Variants in MYO16 observed in about 807,000 individuals in gnomAD.
MYO16 encodes the protein unconventional myosin-XVI.
Under a neutral mutation model 205.3 loss-of-function variants are expected in MYO16, and 94 were observed. The ratio of observed to expected loss-of-function variants is 0.46; its 90% CI spans 0.39 to 0.54. The LOEUF (loss-of-function observed/expected upper bound fraction) is 0.54, where lower values mean the gene tolerates loss of function less well. MYO16 is among the 20% of genes least tolerant of loss of function. MYO16 has a pLI of 0.00. For synonymous variants in MYO16, 988 were observed against 954.0 expected, an observed-to-expected ratio of 1.04 and a Z score of -0.66; for missense variants, 2,315 against 2,387.5, an observed-to-expected ratio of 0.97 and a Z score of 0.63.
chr13:108,581,465 A>C, the MYO16 span, among the ~76,000 whole-genome samples: 2 of 151,876 alleles, frequency 1.3e-5, no homozygotes, highest in Non-Finnish European at 2.9e-5. Flanking sequence ...TTCTACTTAT[A>C]TCTCTCGCCC....
At chr13:108,837,510 G>A (rs1489924899) in intron 9 of MYO16, among the ~76,000 whole-genome samples, 1 of 152,176 alleles carries the variant, frequency 6.6e-6, no homozygotes, top group Admixed American at 6.5e-5. Context: ...AAAGTTCTAT[G>A]AGAGATGATT....
intron 10 of MYO16, among the ~76,000 whole-genome samples, chr13:108,851,668 T>G (rs1877873199): frequency 6.6e-6 from 1 of 152,194 alleles, no homozygotes; most frequent in African/African-American, 2.4e-5. Flanking sequence ...GCAGCTCCTC[T>G]TTTTCTTAAA....
intron 22 of MYO16, among the ~76,000 whole-genome samples, chr13:109,012,198 T>C (rs1203886177): frequency 6.6e-6 from 1 of 152,194 alleles, no homozygotes; most frequent in East Asian, 1.9e-4. Flanking sequence ...GAAGAAGTTA[T>C]TCAATAGTCG....
chr13:109,161,111 A>C (rs912321), intron 32 of MYO16, among the ~76,000 whole-genome samples: 6,827 of 152,280 alleles, frequency 0.045, 516 homozygotes, highest in African/African-American at 0.16. Flanking sequence ...TGCATAATTC[A>C]GTAGAATGCC....
chr13:108,823,923 A>G (rs1876120826), intron 9 of MYO16, among the ~76,000 whole-genome samples: 1 of 152,134 alleles, frequency 6.6e-6, no homozygotes, highest in Non-Finnish European at 1.5e-5. Context: ...TAACTTAGGT[A>G]TGCTTACATA....
intron 14 of MYO16, among the ~76,000 whole-genome samples, chr13:108,889,917 CT>C (rs1880082084): frequency 1.3e-5 from 2 of 151,854 alleles, no homozygotes; most frequent in South Asian, 4.2e-4. Flanking sequence ...TTTATTTTCA[CT>C]TATTTATTTA....
chr13:108,662,767 C>T (rs1157824322), intron 1 of MYO16, among the ~76,000 whole-genome samples: 1 of 152,148 alleles, frequency 6.6e-6, no homozygotes, highest in Non-Finnish European at 1.5e-5. Context: ...CTGATTCACA[C>T]CCTCCCCCGA....
At chr13:108,835,939 T>C (rs915060902) in intron 9 of MYO16, among the ~76,000 whole-genome samples, 1 of 152,138 alleles carries the variant, frequency 6.6e-6, no homozygotes, top group Non-Finnish European at 1.5e-5. Flanking sequence ...AAAAATCTAT[T>C]TCTTGGGGAA....
chr13:109,001,741 T>C (rs1885220074), intron 21 of MYO16, among the ~76,000 whole-genome samples: 1 of 152,114 alleles, frequency 6.6e-6, no homozygotes, highest in South Asian at 2.1e-4. Context: ...TATAGTATGC[T>C]TGAAGTGTTC....
intron 16 of MYO16, among the ~76,000 whole-genome samples, chr13:108,920,168 AC>A (rs1394632535): frequency 6.6e-6 from 1 of 152,162 alleles, no homozygotes; most frequent in African/African-American, 2.4e-5. Flanking sequence ...ACGTTGAAGG[AC>A]CACGACGCAG....
At chr13:108,554,969 A>G in the MYO16 span, among the ~76,000 whole-genome samples, 141,838 of 152,058 alleles carry the variant, frequency 0.93, 66,835 homozygotes, top group East Asian at 1. Flanking sequence ...AAACTTCTCA[A>G]ATTATACAGA....
intron 27 of MYO16, among the ~76,000 whole-genome samples, chr13:109,063,164 C>T (rs1158469163): frequency 1.3e-5 from 2 of 152,138 alleles, no homozygotes; most frequent in Non-Finnish European, 2.9e-5. Flanking sequence ...TGTAAATTTG[C>T]ATCATGGTAT....
intron 1 of MYO16, among the ~76,000 whole-genome samples, chr13:108,632,772 C>A (rs1232392579): frequency 2.0e-5 from 3 of 152,092 alleles, no homozygotes; most frequent in Non-Finnish European, 4.4e-5. Context: ...GCAGTGAGAG[C>A]CAGTCTCAGA....
chr13:108,804,933 C>G (rs1369436987), intron 6 of MYO16, among the ~76,000 whole-genome samples: 1 of 152,186 alleles, frequency 6.6e-6, no homozygotes, highest in Admixed American at 6.5e-5. Flanking sequence ...GAAAGCAAAT[C>G]TAATCCTGCA....
chr13:108,712,956 T>G (rs1263398231), intron 3 of MYO16, among the ~76,000 whole-genome samples: 5 of 152,220 alleles, frequency 3.3e-5, no homozygotes, highest in African/African-American at 1.2e-4. Context: ...TTTTAAAAAC[T>G]AATAGCATTC....
At chr13:109,078,906 C>T (rs1888198050) in intron 27 of MYO16, among the ~76,000 whole-genome samples, 1 of 152,142 alleles carries the variant, frequency 6.6e-6, no homozygotes, top group Non-Finnish European at 1.5e-5. Context: ...CCCTCTAATC[C>T]ACTCTGGTCG....
intron 21 of MYO16, among the ~76,000 whole-genome samples, chr13:108,995,061 T>G (rs768450896): frequency 6.6e-6 from 1 of 152,244 alleles, no homozygotes; most frequent in Non-Finnish European, 1.5e-5. Flanking sequence ...GCATTTTCTC[T>G]GACTTTATCT....
intron 9 of MYO16, among the ~76,000 whole-genome samples, chr13:108,841,811 C>T (rs191516326): frequency 1.3e-3 from 191 of 152,046 alleles, no homozygotes; most frequent in South Asian, 1.9e-3. Flanking sequence ...GCATCACATC[C>T]CCTGATTTCA....
At chr13:108,735,887 T>C (rs1442852454) in intron 4 of MYO16, among the ~76,000 whole-genome samples, 1 of 152,212 alleles carries the variant, frequency 6.6e-6, no homozygotes, top group African/African-American at 2.4e-5. Flanking sequence ...ATTTCTCTGA[T>C]GGCCAGTGAT....
Sources: gnomAD v4.1 joint callset for allele counts (sites outside exome capture counted in the v4.1 genomes callset) on GRCh38, gnomAD v4.1.1 for gene constraint, MANE v1.5 for transcripts, NCBI Gene and HGNC (gene_info 2026-07-23, HGNC 2026-07-21) for gene names.